GUSB: variants seen among roughly 807,000 people sequenced by gnomAD.
GUSB encodes glucuronidase beta, also known as beta-glucuronidase.
Under a neutral mutation model 74.6 loss-of-function variants are expected in GUSB, and 51 were observed. That is an observed-to-expected ratio of 0.68 (90% CI 0.55 to 0.86). The LOEUF (loss-of-function observed/expected upper bound fraction) is 0.86, where lower values mean the gene tolerates loss of function less well. Ranked by LOEUF, GUSB falls within the 40% of genes least tolerant of loss-of-function variation. The pLI is 0.00. For synonymous variants in GUSB, 360 were observed against 348.3 expected (o/e 1.03, Z -0.37); for missense variants, 736 against 853.7 (o/e 0.86, Z 1.72).
intron 4 of GUSB, among the ~76,000 whole-genome samples, chr7:65,977,993 G>A (rs902660269): frequency 1.2e-4 from 18 of 150,934 alleles, no homozygotes; most frequent in Non-Finnish European, 2.4e-4. Context: ...TGCATTTTTA[G>A]TAGAGACGGA....
intron 11 of GUSB, among the ~76,000 whole-genome samples, chr7:65,962,898 G>T (rs753820157): frequency 1.3e-4 from 20 of 151,616 alleles, no homozygotes; most frequent in Non-Finnish European, 2.4e-4. Context: ...TCACTCTATT[G>T]CTCAAGCTGG....
chr7:65,977,816 AT>A (rs1192170078), intron 4 of GUSB, among the ~76,000 whole-genome samples: 2 of 151,496 alleles, frequency 1.3e-5, no homozygotes, highest in Non-Finnish European at 2.9e-5. Context: ...ATATTTTTTT[AT>A]TTTTATTTTT....
At chr7:65,966,651 G>A (rs904100487) in intron 10 of GUSB, among the ~76,000 whole-genome samples, 1 of 152,016 alleles carries the variant, frequency 6.6e-6, no homozygotes, top group African/African-American at 2.4e-5. Context: ...GCACATGGTG[G>A]TTCATGCCTG....
chr7:65,964,424 T>C lies in GUSB; in HGVS notation c.1688A>G (p.Lys563Arg), dbSNP rs1790697343. Residue 563 changes from lysine (K) to arginine (R), a missense_variant, in exon 11 of 12, where the codon AAA (lysine) becomes AGA (arginine). Around this residue, in one of 2 missense-constraint regions of GUSB, gnomAD observed 368 missense variants for 489.9 expected, o/e 0.75. Transcript: ENST00000304895. Reference protein sequence around the residue: ...PPLMFTEEYQKSLLEQYHLGL... With the variant: ...PPLMFTEEYQRSLLEQYHLGL... ...CAGATGGTACTGCTCTAGCAGACTT[T>C]TCTGGTACTCTTCAGTGAACATCAG... The C allele has an allele frequency of 6.2e-7, 1 of 1,611,160 alleles. No individual in the cohort carries two copies. Among genetic ancestry groups the C allele is most frequent in the Admixed American group, 1.7e-5 (1 of 60,012 alleles).
chr7:65,977,220 A>G (rs1407162438), intron 4 of GUSB, among the ~76,000 whole-genome samples: 1 of 152,118 alleles, frequency 6.6e-6, no homozygotes. Flanking sequence ...TCTGTCACCT[A>G]GGCTGGAGTG....
chr7:65,980,070 T>C (rs1791890913), intron 2 of GUSB, among the ~76,000 whole-genome samples, 154 bp downstream of exon 2: 1 of 151,922 alleles, frequency 6.6e-6, no homozygotes, highest in Admixed American at 6.5e-5. Flanking sequence ...AGGCTACCTA[T>C]CCCCCTATAC....
At chr7:65,968,665 C>A (rs188828447) in intron 9 of GUSB, among the ~76,000 whole-genome samples, 1 of 152,340 alleles carries the variant, frequency 6.6e-6, no homozygotes, top group African/African-American at 2.4e-5. Flanking sequence ...CAGCTCACTG[C>A]AACCTCTGCC....
rs1248182639 is a variant in GUSB at position 65,974,584 on chromosome 7, A to C, written c.1186T>G (p.Cys396Gly). ...ATGACCACAATCCCATAGCGGTCAC[A>C]CATCTGCATCACTTCCTCTGCATAG... ...YPYAEEVMQM[C>G]DRYGIVVIDE... The change falls in exon 7 of 12, where the codon TGT becomes GGT. Residue 396 changes from cysteine (C) to glycine (G), a missense_variant. Transcript: ENST00000304895. The C allele has an allele frequency of 6.2e-7, 1 of 1,614,206 alleles. No individual in the cohort carries two copies. The highest frequency in any genetic ancestry group is 1.1e-5 in the South Asian group (1 of 91,084).
At chr7:65,981,930 C>G (rs751330739) in intron 1 of GUSB, 44 bp downstream of exon 1, 18 of 1,541,556 alleles carry the variant, frequency 1.2e-5, no homozygotes, top group Admixed American at 1.8e-5. Context: ...CTACTCCCAC[C>G]GCCGGGCTTT....
rs201204553 is a variant in GUSB, at chr7:65,960,893, T to C, written c.*4A>G. 6.2e-7 allele frequency: 1 copy of C among 1,613,292 alleles called. No individual in the cohort carries two copies. Among genetic ancestry groups the C allele is most frequent in the Non-Finnish European group, 8.5e-7 (1 of 1,179,424 alleles). ...AAGGGACACGCAGGTGGTATCAGTC[T>C]TGCTCAAGTAAACAGGCTGTTTTCC... On this transcript the variant is annotated 3_prime_UTR_variant, in exon 12 of 12. Transcript: ENST00000304895.
chr7:65,980,186 C>CCG, intron 2 of GUSB, 38 bp downstream of exon 2: 3 of 212,788 alleles, frequency 1.4e-5, no homozygotes, highest in South Asian at 3.1e-5. Context: ...AGCAGCCGTG[C>CCG]CCCCCCACCC....
At chr7:65,979,662 A>G in intron 3 of GUSB, 65 bp downstream of exon 3, 11 of 1,587,852 alleles carry the variant, frequency 6.9e-6, no homozygotes, top group Admixed American at 5.0e-5. Context: ...CCCAGTCCCT[A>G]CCAGGAAGAC....
In GUSB at chr7:65,976,152, C is replaced by A. The variant is rs866000884; in HGVS notation, c.775G>T (p.Glu259Ter). Residue 259 changes from glutamate (E) to a stop codon, truncating the protein, a stop_gained, in exon 5 of 12, where the codon GAA becomes TAA. Transcript: ENST00000304895. LOFTEE classifies it high-confidence loss of function. ...TTTTCTGCATCCAAAAGACGCACTT[C>A]CAACTTGAACAGGTTACTGCCCTTG... is the stretch of plus-strand genomic sequence containing the variant. ...SVKGSNLFKL[E>*]VRLLDAENKV... is the part of the protein sequence containing the mutation. The A allele has an allele frequency of 3.1e-6, 5 of 1,613,724 alleles. No homozygotes were observed. In the South Asian group the frequency reaches 5.5e-5, roughly 18 times the overall value.
In GUSB at chr7:65,967,755, T is replaced by C; in HGVS notation, c.1629A>G (p.Ala543=). 1 of 1,613,790 alleles carries C rather than the reference T, an allele frequency of 6.2e-7. No homozygotes were observed. The highest frequency in any genetic ancestry group is 8.5e-7 in the Non-Finnish European group (1 of 1,179,920). The change falls in exon 10 of 12, where the codon GCA becomes GCG. Residue 543 remains alanine (A), a synonymous_variant. Transcript: ENST00000304895. ...CCTGGTGAAACCCTGCAATCGTTTC[T>C]GCTCCATACTCGCTCTGAATAATGG... ...QKPIIQSEYG[A]ETIAGFHQDP... is the part of the protein sequence containing the mutation.
In GUSB at chr7:65,971,604, C is replaced by T. The variant is rs575595444; in HGVS notation, c.1392-1238G>A. Among the ~76,000 whole-genome samples the T allele has an allele frequency of 5.3e-5, 8 of 152,000 alleles. 1 individual carries two copies. The South Asian group carries it at 1.2e-3, about 24-fold the overall frequency. On this transcript the variant is annotated intron_variant, in intron 8 of 11. Coordinates refer to ENST00000304895, the MANE Select transcript of GUSB (RefSeq NM_000181.4). ...AAACCTAGCTGGGCATGGTGGCATG[C>T]GCCTGGAATCCCAGCTACTCATGAG...
chr7:65,960,960 A>C lies in GUSB; in HGVS notation c.1893T>G (p.Asn631Lys). 1 of 1,613,724 alleles carries C rather than the reference A, an allele frequency of 6.2e-7. No homozygotes were observed. Among genetic ancestry groups the C allele is most frequent in the Non-Finnish European group, 8.5e-7 (1 of 1,179,930 alleles). ...CTACTGAGTGGGGATACCTGGTTTC[A>C]TTGGCAATCTTCCAGTATCTCTCTC... ...LLRERYWKIANETRYPHSVAK... is the reference protein window; with the variant it reads ...LLRERYWKIAKETRYPHSVAK... The change falls in exon 12 of 12, where the codon AAT (asparagine) becomes AAG (lysine). Residue 631 changes from asparagine to lysine, a missense_variant. Transcript: ENST00000304895.
intron 4 of GUSB, among the ~76,000 whole-genome samples, chr7:65,977,185 A>AT (rs934847808): frequency 1.2e-3 from 175 of 151,798 alleles, no homozygotes; most frequent in Middle Eastern, 3.4e-3. Flanking sequence ...GCACTTCACT[A>AT]TTTTTTTTGA....
chr7:65,961,148 C>A, intron 11 of GUSB, 85 bp from the exon 12 acceptor site: 3 of 1,306,854 alleles, frequency 2.3e-6, no homozygotes, highest in Non-Finnish European at 3.3e-6. Flanking sequence ...AAGGTAGGCA[C>A]TAAATAGAAA....
At chr7:65,972,756 C>T (rs1791297471) in intron 8 of GUSB, among the ~76,000 whole-genome samples, 1 of 152,136 alleles carries the variant, frequency 6.6e-6, no homozygotes, top group South Asian at 2.1e-4. Flanking sequence ...GCCTCAAACA[C>T]CTGCTCCTGG....
Sources: gnomAD v4.1 joint callset for allele counts (sites outside exome capture counted in the v4.1 genomes callset) on GRCh38, gnomAD v4.1.1 for gene constraint, gnomAD v4.1.1 regional missense constraint, MANE v1.5 for transcripts, NCBI Gene and HGNC (gene_info 2026-07-23, HGNC 2026-07-21) for gene names.